ENPP7: variants seen among roughly 807,000 people sequenced by gnomAD.
ENPP7 encodes the protein ectonucleotide pyrophosphatase/phosphodiesterase family member 7.
In ENPP7, 39 loss-of-function variants were observed where a neutral mutation model predicts 33.6. That is an observed-to-expected ratio of 1.16 (90% CI 0.90 to 1.52). The LOEUF is 1.52. Ranked by LOEUF, ENPP7 falls within the 40% of genes most tolerant of loss-of-function variation. The pLI, the probability that ENPP7 is intolerant of heterozygous loss-of-function variation, is 0.00. For missense variants in ENPP7, 594 were observed against 641.0 expected (o/e 0.93, Z 0.79); for synonymous variants, 244 against 274.3 (o/e 0.89, Z 1.09).
chr17:79,736,561 G>GTGTA (rs1201397969), intron 3 of ENPP7, among the ~76,000 whole-genome samples: 2 of 147,708 alleles, frequency 1.4e-5, no homozygotes, highest in African/African-American at 4.9e-5. Flanking sequence ...GTGTGTGTGT[G>GTGTA]TGTGTGTGTG....
chr17:79,735,052 G>A lies in ENPP7; in HGVS notation c.409G>A (p.Ala137Thr). Residue 137 changes from alanine (A) to threonine (T), a missense_variant, in exon 3 of 6, where the codon GCT becomes ACT. By Grantham distance (58) the Ala-to-Thr change is moderately conservative (BLOSUM62 0). Around this residue, in one of 3 missense-constraint regions of ENPP7, gnomAD observed 504 missense variants for 512.8 expected, o/e 0.98. Coordinates refer to ENST00000328313, the MANE Select transcript of ENPP7 (RefSeq NM_178543.5). This position sits in a 1 kb window ranked among gnomAD's most constrained non-coding sequence, Gnocchi z 5.5. Reference sequence around the variant, plus strand: ...CTGCCTTGTCTGGCAGGGCCTGAGGGCTGGCTCCTTCTTCTACCCGGGCGG... The same window carrying A: ...CTGCCTTGTCTGGCAGGGCCTGAGGACTGGCTCCTTCTTCTACCCGGGCGG... ...WITAQRQGLR[A>T]GSFFYPGGNV... is the part of the protein sequence containing the mutation. 2 of 1,612,824 alleles carry A rather than the reference G, an allele frequency of 1.2e-6. No homozygotes were observed. Among genetic ancestry groups the A allele is most frequent in the Non-Finnish European group, 8.5e-7 (1 of 1,179,900 alleles).
chr17:79,733,815 A>G (rs544115844), intron 2 of ENPP7, among the ~76,000 whole-genome samples, 162 bp downstream of exon 2: 156 of 152,262 alleles, frequency 1.0e-3, no homozygotes, highest in African/African-American at 3.6e-3. Context: ...TAGGGCCCCA[A>G]AAGGGGCAGG....
intron 5 of ENPP7, among the ~76,000 whole-genome samples, chr17:79,740,608 T>G (rs1905453847): frequency 6.6e-6 from 1 of 152,198 alleles, no homozygotes; most frequent in African/African-American, 2.4e-5. Flanking sequence ...AAGTCATTAT[T>G]CAGACTCACA....
Position 79,742,107 on chromosome 17 carries a change from G to A in ENPP7, c.*330G>A. On this transcript the variant is annotated 3_prime_UTR_variant, in exon 6 of 6. Transcript: ENST00000328313. ...CGCTGCCGTCTGCAGCCACGCGGGG[G>A]CGCGCGGGAGCTCTGCGGGCGCTGG... is the stretch of plus-strand genomic sequence containing the variant. 4.0e-6 allele frequency: 1 copy of A among 249,870 alleles called. No homozygotes were observed. The highest frequency in any genetic ancestry group is 6.4e-6 in the Non-Finnish European group (1 of 157,328). 15.5% of individuals were successfully genotyped at this position (249,870 alleles called of 1,614,324 possible).
At position 79,739,784 on chromosome 17, in the gene ENPP7, C is replaced by T. The variant is rs182267579; in HGVS notation, c.*16+1722C>T. Among the ~76,000 whole-genome samples, 182 of 152,310 alleles carry T rather than the reference C, an allele frequency of 1.2e-3. No homozygotes were observed. The highest frequency in any genetic ancestry group is 1.7e-3 in the Non-Finnish European group (114 of 68,026). On this transcript the variant is annotated intron_variant, in intron 5 of 5. Coordinates refer to ENST00000328313, the MANE Select transcript of ENPP7 (RefSeq NM_178543.5). This position sits in a 1 kb window ranked among gnomAD's most constrained non-coding sequence, Gnocchi z 4.4. ...AGACTTGTCAACACAAGCTATGGGA[C>T]TCAATGAAAGCCCCCAGCCAGAAGG... is the stretch of plus-strand genomic sequence containing the variant.
chr17:79,731,046 G>C lies in ENPP7; in HGVS notation c.-94G>C. The C allele has an allele frequency of 7.2e-7, 1 of 1,381,886 alleles. No homozygotes were observed. Among genetic ancestry groups the C allele is most frequent in the Non-Finnish European group, 9.7e-7 (1 of 1,036,060 alleles). The allele number at this position is 1,381,886 out of a possible 1,614,324, so 85.6% of individuals were successfully genotyped here. A position where few individuals can be genotyped will look rare whatever the true frequency, so the allele number is the denominator to read the frequency against. On this transcript the variant is annotated 5_prime_UTR_variant, in exon 1 of 6. Coordinates refer to ENST00000328313, the MANE Select transcript of ENPP7 (RefSeq NM_178543.5). ...ACAGCCACATTCCAAAGGCGCACGG[G>C]ATGAGATCAGCCCGGGTGACCCTGG...
At chr17:79,732,135 T>TACATATATAC (rs782666985) in intron 1 of ENPP7, among the ~76,000 whole-genome samples, 8 of 40,966 alleles carry the variant, frequency 2.0e-4, no homozygotes, top group African/African-American at 1.1e-3. Context: ...TATATATGTA[T>TACATATATAC]ATATATATAT....
At position 79,737,137 on chromosome 17, in the gene ENPP7, G is replaced by A; in HGVS notation, c.1123G>A (p.Ala375Thr). The A allele has an allele frequency of 1.9e-6, 3 of 1,614,144 alleles. No homozygotes were observed. Among genetic ancestry groups the A allele is most frequent in the Non-Finnish European group, 2.5e-6 (3 of 1,180,030 alleles). Residue 375 changes from alanine to threonine, a missense_variant, in exon 4 of 6, where the codon GCG (alanine) becomes ACG (threonine). By Grantham distance (58) the Ala-to-Thr change is moderately conservative (BLOSUM62 0). Transcript: ENST00000328313. This position sits in a 1 kb window ranked among gnomAD's most constrained non-coding sequence, Gnocchi z 5.5. ...CCGCGCTGTGGGCCCTAGCTTCAGGGCGGGCCTGGAGGTGGAGCCCTTTGA... is the reference window on the plus strand; with the variant it reads ...CCGCGCTGTGGGCCCTAGCTTCAGGACGGGCCTGGAGGTGGAGCCCTTTGA... ...IFRAVGPSFR[A>T]GLEVEPFESV...
chr17:79,736,536 C>CGTGTGTGTGTGT (rs58744239), intron 3 of ENPP7, among the ~76,000 whole-genome samples: 24 of 146,114 alleles, frequency 1.6e-4, no homozygotes, highest in African/African-American at 4.0e-4. Flanking sequence ...GTGTGATAGG[C>CGTGTGTGTGTGT]GTGTGTGTGT....
chr17:79,732,132 G>GTATATATATATATATATA (rs1260417941), intron 1 of ENPP7, among the ~76,000 whole-genome samples: 1 of 48,416 alleles, frequency 2.1e-5, no homozygotes, highest in Non-Finnish European at 3.9e-5. Context: ...ATATATATAT[G>GTATATATATATATATATA]TATATATATA....
chr17:79,734,312 G>C (rs1343982756), intron 2 of ENPP7, among the ~76,000 whole-genome samples: 2 of 152,118 alleles, frequency 1.3e-5, no homozygotes, highest in African/African-American at 4.8e-5. Flanking sequence ...CCTCACTCCA[G>C]AAGGATCATA....
At chr17:79,740,056 A>G (rs1555824303) in intron 5 of ENPP7, among the ~76,000 whole-genome samples, 1 of 152,024 alleles carries the variant, frequency 6.6e-6, no homozygotes, top group Non-Finnish European at 1.5e-5. Flanking sequence ...TTAGCTGGGC[A>G]TGGTGGTGCG....
chr17:79,735,086 C>T lies in ENPP7; in HGVS notation c.443C>T (p.Thr148Ile). Residue 148 changes from threonine (T) to isoleucine (I), a missense_variant, in exon 3 of 6, where the codon ACC becomes ATC. By Grantham distance (89) the Thr-to-Ile change is moderately conservative. Coordinates refer to ENST00000328313, the MANE Select transcript of ENPP7 (RefSeq NM_178543.5). This position sits in a 1 kb window ranked among gnomAD's most constrained non-coding sequence, Gnocchi z 5.5. Reference protein sequence around the residue: ...GSFFYPGGNVTYQGVAVTRSR... With the variant: ...GSFFYPGGNVIYQGVAVTRSR... ...TTCTTCTACCCGGGCGGGAACGTCA[C>T]CTACCAAGGGGTGGCTGTGACGCGG... The T allele has an allele frequency of 6.2e-7, 1 of 1,613,060 alleles. No individual in the cohort carries two copies. Among genetic ancestry groups the T allele is most frequent in the South Asian group, 1.1e-5 (1 of 91,084 alleles).
Position 79,735,642 on chromosome 17 carries a change from C to T in ENPP7, c.999C>T (p.Tyr333=). The T allele has an allele frequency of 6.2e-7, 1 of 1,610,958 alleles. No homozygotes were observed. The highest frequency in any genetic ancestry group is 8.5e-7 in the Non-Finnish European group (1 of 1,177,772). ...NNPRVTPLLM[Y]SDLGYVIHGR... ...CCAGGGTCACACCCCTGCTGATGTA[C>T]AGCGACCTTGGCTACGTCATCCATG... Residue 333 remains tyrosine (Y), a synonymous_variant, in exon 3 of 6, where the codon TAC becomes TAT. Transcript: ENST00000328313. The surrounding 1 kb of genome is among the most constrained non-coding windows in gnomAD (Gnocchi z 5.5).
intron 1 of ENPP7, among the ~76,000 whole-genome samples, chr17:79,732,121 C>CATATATATATACATATATATATATAT: frequency 2.0e-5 from 1 of 48,782 alleles, no homozygotes; most frequent in Non-Finnish European, 3.9e-5. Flanking sequence ...TATATATATA[C>CATATATATATACATATATATATATAT]ATATATATAT....
Position 79,735,723 on chromosome 17 carries a change from GTCT to G in ENPP7, c.1026+59_1026+61del, listed in dbSNP as rs1247984764. Reference sequence around the variant, plus strand: ...CAGGGGCTCCCTCCCCAGGCTCTGGGTCTTCTTTTTTTTTTTTTGAGACCAGGG... The same window carrying G: ...CAGGGGCTCCCTCCCCAGGCTCTGGGTCTTTTTTTTTTTTTGAGACCAGGG... On this transcript the variant is annotated intron_variant, in intron 3 of 5. Coordinates refer to ENST00000328313, the MANE Select transcript of ENPP7 (RefSeq NM_178543.5). This position sits in a 1 kb window ranked among gnomAD's most constrained non-coding sequence, Gnocchi z 5.5. 6.4e-5 allele frequency: 96 copies of G among 1,502,482 alleles called. No individual in the cohort carries two copies. Among genetic ancestry groups the G allele is most frequent in the Middle Eastern group, 1.9e-4 (1 of 5,164 alleles). 93.1% of individuals were successfully genotyped at this position (1,502,482 alleles called of 1,614,324 possible).
At position 79,741,875 on chromosome 17, in the gene ENPP7, C is replaced by T. The variant is rs1905554568; in HGVS notation, c.*98C>T. On this transcript the variant is annotated 3_prime_UTR_variant, in exon 6 of 6. Coordinates refer to ENST00000328313, the MANE Select transcript of ENPP7 (RefSeq NM_178543.5). The stretch of plus-strand genomic sequence containing the variant: ...GCTGGTCGCGGACGGACCCTGCCTC[C>T]CCAGCTTATCCCAGGCCAGAGGCTG... 1.0e-6 allele frequency: 1 copy of T among 985,574 alleles called. No homozygotes were observed. The highest frequency in any genetic ancestry group is 1.7e-5 in the African/African-American group (1 of 57,234). 61.1% of individuals were successfully genotyped at this position (985,574 alleles called of 1,614,324 possible).
intron 2 of ENPP7, among the ~76,000 whole-genome samples, chr17:79,734,725 G>A (rs547581918): frequency 9.9e-5 from 15 of 152,208 alleles, no homozygotes; most frequent in Non-Finnish European, 1.9e-4. Flanking sequence ...GGATCCACCC[G>A]CCTTGGCCTC....
rs2094302225 is a variant in ENPP7, at chr17:79,739,738, T to C, written c.*16+1676T>C. Among the ~76,000 whole-genome samples, 1 of 152,230 alleles carries C rather than the reference T, an allele frequency of 6.6e-6. No individual in the cohort carries two copies. The highest frequency in any genetic ancestry group is 1.5e-5 in the Non-Finnish European group (1 of 68,028). ...TGAGTCCACAGCCAGGGATGCAGTTTAGTCTGGCAATTTAAATTTGAGACT... is the reference window on the plus strand; with the variant it reads ...TGAGTCCACAGCCAGGGATGCAGTTCAGTCTGGCAATTTAAATTTGAGACT... On this transcript the variant is annotated intron_variant, in intron 5 of 5. Coordinates refer to ENST00000328313, the MANE Select transcript of ENPP7 (RefSeq NM_178543.5). The surrounding 1 kb of genome is among the most constrained non-coding windows in gnomAD (Gnocchi z 4.4).
Sources: allele counts gnomAD v4.1 joint callset (sites outside exome capture counted in the v4.1 genomes callset), GRCh38; gene constraint gnomAD v4.1.1; regional missense constraint gnomAD v4.1.1; non-coding constraint Gnocchi (gnomAD v3.1); transcripts MANE v1.5; gene names NCBI Gene and HGNC (gene_info 2026-07-23, HGNC 2026-07-21).